The following GRM5 variants were observed in gnomAD, a reference collection of about 807,000 sequenced individuals.
The protein encoded by GRM5 is metabotropic glutamate receptor 5.
GRM5 carries 19 observed loss-of-function variants against 83.1 expected under a neutral mutation model. The ratio of observed to expected loss-of-function variants is 0.23; its 90% CI spans 0.16 to 0.34. The LOEUF is 0.34. Among genes scored for constraint, GRM5 ranks in the 10% least tolerant of loss-of-function variants. The probability of loss-of-function intolerance (pLI) is 1.00; values close to 1 mark genes in which losing one functional copy is unlikely to be tolerated. For synonymous variants in GRM5, 675 were observed against 633.6 expected (o/e 1.07, Z -0.98); for missense variants, 1,160 against 1,588.3 (o/e 0.73, Z 4.58).
At chr11:88,849,377 T>C (rs1590910263) in intron 3 of GRM5, among the ~76,000 whole-genome samples, 1 of 152,200 alleles carries the variant, frequency 6.6e-6, no homozygotes, top group Admixed American at 6.5e-5. Flanking sequence ...TCAATCTCTG[T>C]AGAAGCTGGT....
intron 3 of GRM5, among the ~76,000 whole-genome samples, chr11:88,700,446 T>C (rs1941004908): frequency 6.6e-6 from 1 of 152,228 alleles, no homozygotes; most frequent in Middle Eastern, 3.4e-3. Flanking sequence ...AACTACAACC[T>C]AGAAGCAATA....
At chr11:88,720,326 T>C (rs72643310) in intron 3 of GRM5, among the ~76,000 whole-genome samples, 11,122 of 150,316 alleles carry the variant, frequency 0.074, 692 homozygotes, top group African/African-American at 0.17. Flanking sequence ...TTTATACCTA[T>C]GACTGAGTGC....
chr11:88,640,385 A>G (rs970769753), intron 4 of GRM5, among the ~76,000 whole-genome samples: 11 of 152,178 alleles, frequency 7.2e-5, no homozygotes, highest in Non-Finnish European at 1.6e-4. Context: ...CTTGAACTCT[A>G]CTTTTTCTAT....
At chr11:89,012,409 T>A (rs1471065618) in intron 2 of GRM5, among the ~76,000 whole-genome samples, 1 of 152,182 alleles carries the variant, frequency 6.6e-6, no homozygotes, top group African/African-American at 2.4e-5. Flanking sequence ...AATTCTGACA[T>A]CAAGCTCCCG....
chr11:88,729,443 C>A (rs1941756736), intron 3 of GRM5, among the ~76,000 whole-genome samples: 1 of 152,022 alleles, frequency 6.6e-6, no homozygotes, highest in Non-Finnish European at 1.5e-5. Context: ...GTGAAAATGG[C>A]CATATTTCCC....
At chr11:89,032,327 C>G (rs868328156) in intron 2 of GRM5, among the ~76,000 whole-genome samples, 8 of 152,044 alleles carry the variant, frequency 5.3e-5, no homozygotes, top group African/African-American at 1.9e-4. Context: ...CTAAAAAAAG[C>G]ATATAATATA....
chr11:88,835,551 G>A (rs192823283), intron 3 of GRM5, among the ~76,000 whole-genome samples: 5 of 152,248 alleles, frequency 3.3e-5, no homozygotes, highest in South Asian at 4.1e-4. Flanking sequence ...GCCAAATTAC[G>A]GAGTGGAATA....
In GRM5 at chr11:88,740,647, A is replaced by G. The variant is rs149630541; in HGVS notation, c.912-87244T>C. Among the ~76,000 whole-genome samples, 206 of 152,206 alleles carry G rather than the reference A, an allele frequency of 1.4e-3. 4 individuals are homozygous for G. The East Asian group carries it at 0.033, about 24-fold the overall frequency. On this transcript the variant is annotated intron_variant, in intron 3 of 9. Coordinates refer to ENST00000305447, the MANE Select transcript of GRM5 (RefSeq NM_001143831.3). ...ATTAGGACCTCAGCAATCTGGCTTT[A>G]GAGTCCATGCTGTTAACAAAAATAA...
At chr11:88,836,746 C>T (rs764394270) in intron 3 of GRM5, among the ~76,000 whole-genome samples, 24 of 152,068 alleles carry the variant, frequency 1.6e-4, no homozygotes, top group Non-Finnish European at 3.1e-4. Context: ...AGTGACTTGA[C>T]ATACCGCCAC....
chr11:88,685,752 C>T (rs547552474), intron 3 of GRM5, among the ~76,000 whole-genome samples: 8 of 152,326 alleles, frequency 5.3e-5, no homozygotes, highest in South Asian at 4.1e-4. Flanking sequence ...TCAGAGGGTG[C>T]GACCCCCAAG....
chr11:88,963,216 T>A (rs1470136566), intron 2 of GRM5, among the ~76,000 whole-genome samples: 1 of 152,112 alleles, frequency 6.6e-6, no homozygotes, highest in Admixed American at 6.5e-5. Context: ...CAATGGGAAA[T>A]GGTAAAGCAG....
chr11:89,038,166 T>C (rs1941439234), intron 2 of GRM5, among the ~76,000 whole-genome samples: 1 of 152,050 alleles, frequency 6.6e-6, no homozygotes, highest in African/African-American at 2.4e-5. Flanking sequence ...TGTGTGTGTG[T>C]GTGTGTGTGT....
At chr11:88,587,479 C>T (rs12419654) in intron 7 of GRM5, among the ~76,000 whole-genome samples, 3,125 of 152,050 alleles carry the variant, frequency 0.021, 40 homozygotes, top group East Asian at 0.042. Context: ...GGAAAGAGGA[C>T]ATTTTGTATG....
intron 2 of GRM5, among the ~76,000 whole-genome samples, chr11:88,916,304 C>G (rs181262539): frequency 1.3e-5 from 2 of 152,278 alleles, no homozygotes; most frequent in Non-Finnish European, 2.9e-5. Context: ...ACCCCTCCCC[C>G]ATCCCCCAGT....
At chr11:88,962,738 A>G (rs1565311152) in intron 2 of GRM5, among the ~76,000 whole-genome samples, 1 of 152,294 alleles carries the variant, frequency 6.6e-6, no homozygotes, top group South Asian at 2.1e-4. Flanking sequence ...ATAATCTAGA[A>G]AAAAATAATG....
intron 8 of GRM5, among the ~76,000 whole-genome samples, chr11:88,526,799 A>C (rs1941889356): frequency 6.6e-6 from 1 of 152,172 alleles, no homozygotes; most frequent in Non-Finnish European, 1.5e-5. Context: ...ATCAAGCAAA[A>C]TGAATTTAAT....
intron 3 of GRM5, among the ~76,000 whole-genome samples, chr11:88,723,271 T>G (rs1004597514): frequency 6.6e-6 from 1 of 152,010 alleles, no homozygotes; most frequent in African/African-American, 2.4e-5. Flanking sequence ...GTTTATACCA[T>G]TCACCCACTG....
intron 4 of GRM5, among the ~76,000 whole-genome samples, chr11:88,639,630 C>G (rs1408022214): frequency 6.6e-6 from 1 of 151,696 alleles, no homozygotes; most frequent in Non-Finnish European, 1.5e-5. Flanking sequence ...CACTGTCACC[C>G]AGGCTGGAGT....
intron 2 of GRM5, among the ~76,000 whole-genome samples, chr11:88,881,960 T>C (rs989806804): frequency 6.6e-6 from 1 of 152,196 alleles, no homozygotes; most frequent in African/African-American, 2.4e-5. Context: ...ATTGATGGAA[T>C]GCTGGGCACG....
Sources: allele counts gnomAD v4.1 joint callset (sites outside exome capture counted in the v4.1 genomes callset), GRCh38; gene constraint gnomAD v4.1.1; transcripts MANE v1.5; gene names NCBI Gene and HGNC (gene_info 2026-07-23, HGNC 2026-07-21).